Variants in SYT1 observed in about 807,000 individuals in gnomAD.
SYT1 encodes synaptotagmin 1.
In SYT1, 8 loss-of-function variants were observed where a neutral mutation model predicts 44.8. The observed-to-expected ratio is 0.18, with a 90% confidence interval of 0.10 to 0.32. SYT1 has a LOEUF of 0.32. Ranked by LOEUF, SYT1 falls within the 10% of genes least tolerant of loss-of-function variation. The pLI is 1.00. For missense variants in SYT1, 286 were observed against 509.3 expected (o/e 0.56, Z 4.22); for synonymous variants, 154 against 188.8 (o/e 0.82, Z 1.51).
intron 3 of SYT1, among the ~76,000 whole-genome samples, chr12:79,168,459 A>G (rs1871334538): frequency 6.6e-6 from 1 of 152,082 alleles, no homozygotes; most frequent in Non-Finnish European, 1.5e-5. Context: ...CAAAGATGGG[A>G]CGGCACACCC....
intron 9 of SYT1, among the ~76,000 whole-genome samples, chr12:79,441,133 C>G (rs1870387518): frequency 6.6e-6 from 1 of 152,152 alleles, no homozygotes. Flanking sequence ...GATAAAGAAC[C>G]CTAAGTTTCT....
chr12:79,146,036 C>T (rs60420316), intron 3 of SYT1, among the ~76,000 whole-genome samples: 13,004 of 152,048 alleles, frequency 0.086, 665 homozygotes, highest in African/African-American at 0.14. Flanking sequence ...GGATTACAGG[C>T]GTGAGCCACC....
At chr12:79,248,661 CAA>C (rs1876997161) in intron 4 of SYT1, among the ~76,000 whole-genome samples, 1 of 152,074 alleles carries the variant, frequency 6.6e-6, no homozygotes, top group Non-Finnish European at 1.5e-5. Context: ...AAATGAGAGT[CAA>C]GAGGAAATGG....
At chr12:79,025,629 A>G (rs1427606245) in intron 2 of SYT1, among the ~76,000 whole-genome samples, 1 of 151,598 alleles carries the variant, frequency 6.6e-6, no homozygotes, top group African/African-American at 2.4e-5. Context: ...TATATGATAT[A>G]TGTATGTATA....
At chr12:79,335,881 C>T (rs1467575228) in intron 8 of SYT1, among the ~76,000 whole-genome samples, 3 of 152,208 alleles carry the variant, frequency 2.0e-5, no homozygotes, top group Admixed American at 2.0e-4. Flanking sequence ...GTAGAATGCC[C>T]ATGTTCACCT....
chr12:79,162,020 G>A (rs1870979902), intron 3 of SYT1, among the ~76,000 whole-genome samples: 1 of 152,084 alleles, frequency 6.6e-6, no homozygotes, highest in Non-Finnish European at 1.5e-5. Flanking sequence ...CTTGAAATAT[G>A]TGATCTTCTT....
chr12:79,098,788 T>C (rs1014384759), intron 3 of SYT1, among the ~76,000 whole-genome samples: 4 of 152,104 alleles, frequency 2.6e-5, no homozygotes, highest in Admixed American at 2.6e-4. Context: ...TCTTTGTGAA[T>C]AAGCAGCTCC....
At chr12:79,391,349 TAA>T (rs1207317884) in intron 9 of SYT1, among the ~76,000 whole-genome samples, 2 of 152,200 alleles carry the variant, frequency 1.3e-5, no homozygotes, top group East Asian at 3.9e-4. Context: ...CTCAAAGATA[TAA>T]AACAAAAATA....
At position 79,247,760 on chromosome 12, in the gene SYT1, C is replaced by T. The variant is rs1876939448; in HGVS notation, c.166+30075C>T. Among the ~76,000 whole-genome samples the T allele has an allele frequency of 2.6e-5, 4 of 151,580 alleles. No homozygotes were observed. In the South Asian group the frequency reaches 8.3e-4, roughly 32 times the overall value. ...CACACAAACATAGATACTCAAAAGG[C>T]TCACAGTTATAAAAGAAAACAAAAA... On this transcript the variant is annotated intron_variant, in intron 4 of 10. Transcript: ENST00000261205.
intron 3 of SYT1, among the ~76,000 whole-genome samples, chr12:79,107,281 A>G (rs1050224353): frequency 1.1e-4 from 17 of 151,976 alleles, no homozygotes; most frequent in Non-Finnish European, 4.4e-5. Context: ...AAATTCAAGT[A>G]ATAACTTGAT....
intron 1 of SYT1, among the ~76,000 whole-genome samples, chr12:78,956,640 G>A (rs1413237201): frequency 1.3e-5 from 2 of 151,918 alleles, no homozygotes; most frequent in Non-Finnish European, 2.9e-5. Flanking sequence ...CAGAGGTTCT[G>A]TATTTTAGTA....
chr12:79,195,038 A>C (rs949086317), intron 3 of SYT1, among the ~76,000 whole-genome samples: 24 of 152,202 alleles, frequency 1.6e-4, no homozygotes, highest in African/African-American at 5.8e-4. Context: ...AATAAGCGAG[A>C]AAATCCCTAT....
At chr12:79,202,891 A>T (rs1873872938) in intron 3 of SYT1, among the ~76,000 whole-genome samples, 1 of 152,192 alleles carries the variant, frequency 6.6e-6, no homozygotes, top group African/African-American at 2.4e-5. Flanking sequence ...CCAGCTCCAC[A>T]GGATGCAGGG....
At chr12:79,202,146 A>C (rs1034359811) in intron 3 of SYT1, among the ~76,000 whole-genome samples, 52 of 152,312 alleles carry the variant, frequency 3.4e-4, no homozygotes, top group African/African-American at 1.1e-3. Context: ...ATTCTTTCTA[A>C]ACTCTTTATT....
At chr12:79,016,202 TCA>T (rs1004935161) in intron 2 of SYT1, among the ~76,000 whole-genome samples, 1 of 152,186 alleles carries the variant, frequency 6.6e-6, no homozygotes, top group African/African-American at 2.4e-5. Context: ...CTTTTCACTA[TCA>T]CAGCATCTGT....
chr12:79,282,523 A>G (rs955046804), intron 4 of SYT1, among the ~76,000 whole-genome samples: 4 of 152,230 alleles, frequency 2.6e-5, no homozygotes, highest in African/African-American at 9.6e-5. Flanking sequence ...TAGCAATAAC[A>G]ATAAACTGAT....
At chr12:79,127,720 G>A (rs1023508455) in intron 3 of SYT1, among the ~76,000 whole-genome samples, 1 of 152,148 alleles carries the variant, frequency 6.6e-6, no homozygotes, top group African/African-American at 2.4e-5. Flanking sequence ...GTTTCCAGCT[G>A]TCTTTATCCA....
At chr12:79,092,701 T>C (rs2138009596) in intron 3 of SYT1, among the ~76,000 whole-genome samples, 1 of 151,802 alleles carries the variant, frequency 6.6e-6, no homozygotes, top group South Asian at 2.1e-4. Context: ...AATACTACGA[T>C]CTCAAAATCA....
At chr12:79,168,305 G>A (rs568256353) in intron 3 of SYT1, among the ~76,000 whole-genome samples, 7 of 152,134 alleles carry the variant, frequency 4.6e-5, no homozygotes, top group African/African-American at 1.4e-4. Context: ...TCAATGGGTT[G>A]TTGTAAAGAT....
Sources: allele counts gnomAD v4.1 joint callset (sites outside exome capture counted in the v4.1 genomes callset), GRCh38; gene constraint gnomAD v4.1.1; transcripts MANE v1.5; gene names NCBI Gene and HGNC (gene_info 2026-07-23, HGNC 2026-07-21).